BCAS3: variants seen among roughly 807,000 people sequenced by gnomAD.
BCAS3 encodes the protein BCAS3 microtubule associated cell migration factor, also known as BCAS4/BCAS3 fusion.
Under a neutral mutation model 116.1 loss-of-function variants are expected in BCAS3, and 53 were observed. That is an observed-to-expected ratio of 0.46 (90% CI 0.37 to 0.57). The LOEUF (loss-of-function observed/expected upper bound fraction) is 0.57, where lower values mean the gene tolerates loss of function less well. Ranked by LOEUF, BCAS3 falls within the 20% of genes least tolerant of loss-of-function variation. BCAS3 has a pLI of 0.00. For synonymous variants in BCAS3, 391 were observed against 408.2 expected, an observed-to-expected ratio of 0.96 and a Z score of 0.51; for missense variants, 917 against 1,165.4, an observed-to-expected ratio of 0.79 and a Z score of 3.10.
chr17:60,886,132 C>G (rs1430613252), intron 9 of BCAS3, among the ~76,000 whole-genome samples: 1 of 137,968 alleles, frequency 7.2e-6, no homozygotes, highest in Non-Finnish European at 1.5e-5. Context: ...TTCTTGGAGG[C>G]TTTGCTCATT....
rs184627513 is a variant in BCAS3, at chr17:60,859,649, A to G, written c.477-8927A>G. ...AGTGGTGTGATCTCAGCTCACTGCAACCTCCACCTCCCAGGTTCAAGCGAT... is the reference window on the plus strand; with the variant it reads ...AGTGGTGTGATCTCAGCTCACTGCAGCCTCCACCTCCCAGGTTCAAGCGAT... On this transcript the variant is annotated intron_variant, in intron 7 of 23. Coordinates refer to ENST00000407086, the MANE Select transcript of BCAS3 (RefSeq NM_017679.5). 3.3e-5 allele frequency among the ~76,000 whole-genome samples: 5 copies of G among 151,312 alleles called. No homozygotes were observed. In the East Asian group the frequency reaches 9.7e-4, roughly 29 times the overall value.
rs2072107550 is a variant in BCAS3 at position 61,077,360 on chromosome 17, A to G, written c.2131-973A>G. 6.6e-6 allele frequency among the ~76,000 whole-genome samples: 1 copy of G among 152,078 alleles called. No individual in the cohort carries two copies. The highest frequency in any genetic ancestry group is 2.1e-4 in the South Asian group (1 of 4,822). Reference sequence around the variant, plus strand: ...GTGAAACCCCGTCTCTACTAAAAATACAAAAAATTAGCCGGGCGTGGTGGC... The same window carrying G: ...GTGAAACCCCGTCTCTACTAAAAATGCAAAAAATTAGCCGGGCGTGGTGGC... On this transcript the variant is annotated intron_variant, in intron 20 of 23. Coordinates refer to ENST00000407086, the MANE Select transcript of BCAS3 (RefSeq NM_017679.5). The surrounding 1 kb of genome is among the most constrained non-coding windows in gnomAD (Gnocchi z 4.3).
chr17:60,929,088 G>T (rs61319091), intron 13 of BCAS3, among the ~76,000 whole-genome samples: 24,222 of 152,082 alleles, frequency 0.16, 2,088 homozygotes, highest in African/African-American at 0.22. Context: ...CTTCCCACTA[G>T]TAAATCATAA....
At chr17:61,043,237 G>A (rs570819054) in intron 19 of BCAS3, among the ~76,000 whole-genome samples, 7 of 151,956 alleles carry the variant, frequency 4.6e-5, no homozygotes, top group Admixed American at 2.6e-4. Context: ...GTGTGGTGGC[G>A]TGCACCTGTA....
chr17:61,273,732 T>C (rs981254669), intron 22 of BCAS3, among the ~76,000 whole-genome samples: 2 of 126,182 alleles, frequency 1.6e-5, no homozygotes, highest in South Asian at 2.2e-4. Context: ...GGCTCTGTTC[T>C]TTTTTTTTTT....
At chr17:61,070,396 TATATC>T (rs1265230299) in intron 19 of BCAS3, 18 of 178,588 alleles carry the variant, frequency 1.0e-4, no homozygotes, top group Non-Finnish European at 1.7e-4. Context: ...TATATATATA[TATATC>T]TTTTCACCAT....
chr17:61,370,790 A>G (rs2059005940), intron 23 of BCAS3, among the ~76,000 whole-genome samples: 1 of 152,248 alleles, frequency 6.6e-6, no homozygotes, highest in African/African-American at 2.4e-5. Context: ...AACTAGAGGT[A>G]AAGCATCAGC....
chr17:61,195,674 C>T (rs1020791102), intron 22 of BCAS3, among the ~76,000 whole-genome samples: 2 of 151,962 alleles, frequency 1.3e-5, no homozygotes, highest in East Asian at 1.9e-4. Context: ...CCACCGCACC[C>T]GGCCCCCCTC....
chr17:61,305,372 C>T (rs1310081352), intron 22 of BCAS3, among the ~76,000 whole-genome samples: 5 of 152,078 alleles, frequency 3.3e-5, no homozygotes, highest in Admixed American at 2.0e-4. Context: ...TGAGCCCAGT[C>T]AGAAGAAAAG....
chr17:61,357,753 T>A (rs1488585584), intron 22 of BCAS3, among the ~76,000 whole-genome samples: 1 of 148,590 alleles, frequency 6.7e-6, no homozygotes, highest in Non-Finnish European at 1.5e-5. Flanking sequence ...AAAATTTTTT[T>A]AAAATAATAA....
chr17:60,814,306 T>TGTGTGTGTGCGCGCGCGCGTGTGCGC (rs368289350), intron 7 of BCAS3, among the ~76,000 whole-genome samples: 3 of 148,198 alleles, frequency 2.0e-5, no homozygotes, highest in African/African-American at 5.0e-5. Context: ...TGTGTGTGTG[T>TGTGTGTGTGCGCGCGCGCGTGTGCGC]GCGCGCGTGC....
chr17:61,391,954 T>C lies in BCAS3; in HGVS notation c.2594-23T>C, dbSNP rs1473392626. The stretch of plus-strand genomic sequence containing the variant: ...CCCCAGACCCAACTCTAACCAGGCC[T>C]GGCCCTCTCCTGTGTCTTGCAGAAC... On this transcript the variant is annotated intron_variant, in intron 23 of 23. Coordinates refer to ENST00000407086, the MANE Select transcript of BCAS3 (RefSeq NM_017679.5). This position sits in a 1 kb window ranked among gnomAD's most constrained non-coding sequence, Gnocchi z 7.7. The C allele has an allele frequency of 4.3e-6, 7 of 1,611,266 alleles. No individual in the cohort carries two copies. Among genetic ancestry groups the C allele is most frequent in the Non-Finnish European group, 5.9e-6 (7 of 1,179,096 alleles).
intron 5 of BCAS3, among the ~76,000 whole-genome samples, chr17:60,716,881 T>C (rs1295615711): frequency 1.3e-5 from 2 of 152,330 alleles, no homozygotes; most frequent in East Asian, 3.9e-4. Context: ...TCAGCAAAGA[T>C]TTATTAATTG....
intron 9 of BCAS3, among the ~76,000 whole-genome samples, chr17:60,889,480 T>C (rs563385786): frequency 3.3e-4 from 50 of 152,308 alleles, no homozygotes; most frequent in Non-Finnish European, 6.0e-4. Flanking sequence ...ATTTGTTTCT[T>C]ATTGGGACAG....
At position 61,248,783 on chromosome 17, in the gene BCAS3, C is replaced by A. The variant is rs560420681; in HGVS notation, c.2426-119544C>A. On this transcript the variant is annotated intron_variant, in intron 22 of 23. Transcript: ENST00000407086. This position sits in a 1 kb window ranked among gnomAD's most constrained non-coding sequence, Gnocchi z 4.3. ...ACTAGGACACATAGGACAAGATGAGCGACTATTTTAGACCTGTAGGTCAAG... is the reference window on the plus strand; with the variant it reads ...ACTAGGACACATAGGACAAGATGAGAGACTATTTTAGACCTGTAGGTCAAG... Among the ~76,000 whole-genome samples the A allele has an allele frequency of 2.6e-5, 4 of 152,096 alleles. No individual in the cohort carries two copies. Among genetic ancestry groups the A allele is most frequent in the African/African-American group, 9.7e-5 (4 of 41,408 alleles).
chr17:60,678,728 A>G (rs1305978416), intron 1 of BCAS3, among the ~76,000 whole-genome samples: 1 of 152,252 alleles, frequency 6.6e-6, no homozygotes, highest in African/African-American at 2.4e-5. Flanking sequence ...ATTGGAAGGT[A>G]GAGTGATATC....
In BCAS3 at chr17:61,058,410, T is replaced by G. The variant is rs142121593; in HGVS notation, c.2030-16510T>G. Among the ~76,000 whole-genome samples, 545 of 152,336 alleles carry G rather than the reference T, an allele frequency of 3.6e-3. 6 individuals are homozygous for G. The highest frequency in any genetic ancestry group is 0.012 in the African/African-American group (504 of 41,574). ...ACATCTGTAACAACCCTATATGATG[T>G]GAAATCTGGTCAAAGCTGAGATTTG... is the stretch of plus-strand genomic sequence containing the variant. On this transcript the variant is annotated intron_variant, in intron 19 of 23. Transcript: ENST00000407086.
At chr17:60,997,728 C>G (rs965473261) in intron 15 of BCAS3, among the ~76,000 whole-genome samples, 1 of 152,190 alleles carries the variant, frequency 6.6e-6, no homozygotes, top group Non-Finnish European at 1.5e-5. Context: ...TCAACCCCAT[C>G]TTTAAAGGCC....
chr17:60,872,833 A>G (rs1336721829), intron 8 of BCAS3, among the ~76,000 whole-genome samples: 1 of 151,834 alleles, frequency 6.6e-6, no homozygotes, highest in Non-Finnish European at 1.5e-5. Flanking sequence ...ATATACACAC[A>G]TACACACACA....
Sources: allele counts gnomAD v4.1 joint callset (sites outside exome capture counted in the v4.1 genomes callset), GRCh38; gene constraint gnomAD v4.1.1; non-coding constraint Gnocchi (gnomAD v3.1); transcripts MANE v1.5; gene names NCBI Gene and HGNC (gene_info 2026-07-23, HGNC 2026-07-21).